FBXW5: variants seen among roughly 807,000 people sequenced by gnomAD.
The protein encoded by FBXW5 is F-box and WD repeat domain containing 5, also known as F-box/WD repeat-containing protein 5.
FBXW5 carries 74 observed loss-of-function variants against 50.9 expected under a neutral mutation model. The observed-to-expected ratio is 1.45, with a 90% confidence interval of 1.20 to 1.76. The LOEUF is 1.76. Among genes scored for constraint, FBXW5 ranks in the 40% most tolerant of loss-of-function variants. The pLI, the probability that FBXW5 is intolerant of heterozygous loss-of-function variation, is 0.00. For missense variants in FBXW5, 1,073 were observed against 818.8 expected (o/e 1.31, Z -3.79); for synonymous variants, 523 against 362.2 (o/e 1.44, Z -5.04).
At chr9:136,943,857 C>G (rs771588107) in intron 2 of FBXW5, 34 bp downstream of exon 2, 2 of 1,545,526 alleles carry the variant, frequency 1.3e-6, no homozygotes, top group African/African-American at 1.4e-5. Flanking sequence ...GCCCTGGCTG[C>G]AGAACGTGGG....
In FBXW5 at chr9:136,942,461, C is replaced by T; in HGVS notation, c.681G>A (p.Val227=). Residue 227 remains valine, a synonymous_variant, in exon 6 of 9, where the codon GTG becomes GTA. Transcript: ENST00000325285. ...VLWLNNAFQD[V]ESENVNVVKR... ...TCACCACGTTGACGTTCTCTGACTC[C>T]ACATCCTGGGGGCGGGGGCACGTGC... The T allele has an allele frequency of 6.3e-7, 1 of 1,599,440 alleles. No individual in the cohort carries two copies.
chr9:136,941,776 G>A, intron 6 of FBXW5, 92 bp from the exon 7 acceptor site: 4 of 1,422,980 alleles, frequency 2.8e-6, no homozygotes, highest in Non-Finnish European at 3.8e-6. Flanking sequence ...CTCTGGGGCT[G>A]TGAGCACCAC....
rs374271255 is a variant in FBXW5 at position 136,942,700 on chromosome 9, G to T, written c.527-5C>A. 1 of 1,611,224 alleles carries T rather than the reference G, an allele frequency of 6.2e-7. No individual in the cohort carries two copies. Among genetic ancestry groups the T allele is most frequent in the African/African-American group, 1.3e-5 (1 of 74,964 alleles). ...GGGACAGCAGCGCGAAGGAGTCTGT[G>T]GGGAGGCCGGGGCTGGACAGGCTGT... is the stretch of plus-strand genomic sequence containing the variant. On this transcript the variant is annotated splice_polypyrimidine_tract_variant and splice_region_variant and intron_variant, in intron 4 of 8. Transcript: ENST00000325285.
intron 1 of FBXW5, 41 bp from the exon 2 acceptor site, chr9:136,944,147 A>T: frequency 6.7e-7 from 1 of 1,489,128 alleles, no homozygotes; most frequent in South Asian, 1.3e-5. Flanking sequence ...AGGCCCGGGA[A>T]GGGAGGCCGA....
chr9:136,942,753 C>A lies in FBXW5; in HGVS notation c.526+16G>T, dbSNP rs373825023. ...GCGTGGGGCGGGGGCAGGGTCAACC[C>A]GCCGCCCGTGCTCACCTAGGCTGAT... On this transcript the variant is annotated intron_variant, in intron 4 of 8. Coordinates refer to ENST00000325285, the MANE Select transcript of FBXW5 (RefSeq NM_018998.4). 5 of 1,611,530 alleles carry A rather than the reference C, an allele frequency of 3.1e-6. No homozygotes were observed. The highest frequency in any genetic ancestry group is 1.3e-5 in the African/African-American group (1 of 74,684).
chr9:136,942,580 G>A lies in FBXW5; in HGVS notation c.642C>T (p.Ser214=). Residue 214 remains serine, a synonymous_variant, in exon 5 of 9, where the codon TCC becomes TCT. Coordinates refer to ENST00000325285, the MANE Select transcript of FBXW5 (RefSeq NM_018998.4). ...CATTGTTGAGCCACAGCACCGAGCA[G>A]GAGGTGATATCTCCGATGCGGTGCA... The part of the protein sequence containing the change: ...GNLHRIGDIT[S]CSVLWLNNAF... 3 of 1,611,986 alleles carry A rather than the reference G, an allele frequency of 1.9e-6. No homozygotes were observed. The highest frequency in any genetic ancestry group is 2.5e-6 in the Non-Finnish European group (3 of 1,179,606).
chr9:136,942,965 A>G (rs375934624), intron 3 of FBXW5, 22 bp from the exon 4 acceptor site: 27 of 1,611,458 alleles, frequency 1.7e-5, no homozygotes, highest in African/African-American at 2.7e-5. Context: ...GGGCGGCTGT[A>G]GTGATCGCCT....
intron 1 of FBXW5, chr9:136,944,338 C>A (rs1281910059): frequency 3.2e-6 from 2 of 619,886 alleles, no homozygotes; most frequent in Non-Finnish European, 4.4e-6. Flanking sequence ...GCGGGCGCCC[C>A]TCAGCCCGCC....
chr9:136,943,256 C>G lies in FBXW5; in HGVS notation c.351+93G>C, dbSNP rs967446331. On this transcript the variant is annotated intron_variant, in intron 3 of 8. Transcript: ENST00000325285. ...CACCTCTGGCCTGACCCACCCCCCC[C>G]CCCACCACCACCTGGTTGGAACGCC... is the stretch of plus-strand genomic sequence containing the variant. The G allele has an allele frequency of 1.9e-5, 24 of 1,267,800 alleles. 1 individual carries two copies. Among genetic ancestry groups the G allele is most frequent in the African/African-American group, 8.6e-5 (6 of 69,648 alleles). 78.5% of individuals were successfully genotyped at this position (1,267,800 alleles called of 1,614,324 possible).
In FBXW5 at chr9:136,941,083, C is replaced by G; in HGVS notation, c.1546G>C (p.Val516Leu). 1 of 1,568,592 alleles carries G rather than the reference C, an allele frequency of 6.4e-7. No individual in the cohort carries two copies. The highest frequency in any genetic ancestry group is 8.6e-7 in the Non-Finnish European group (1 of 1,156,598). Residue 516 changes from valine (V) to leucine (L), a missense_variant, in exon 9 of 9, where the codon GTG (valine) becomes CTG (leucine). Coordinates refer to ENST00000325285, the MANE Select transcript of FBXW5 (RefSeq NM_018998.4). ...RLRHEDVVNSVVFSPQEQELL... is the reference protein window; with the variant it reads ...RLRHEDVVNSLVFSPQEQELL... ...TCCTGCTCCTGGGGACTGAAGACCA[C>G]TGAGTTGACCACATCCTCGTGCCGC...
At chr9:136,943,784 T>C (rs925889025) in intron 2 of FBXW5, 107 bp downstream of exon 2, 8 of 1,289,876 alleles carry the variant, frequency 6.2e-6, no homozygotes, top group Non-Finnish European at 8.5e-6. Flanking sequence ...GGGGTGAGCA[T>C]GGACACGCGG....
At chr9:136,943,652 ACCCTGTAGCTCACAGAGAC>A in intron 2 of FBXW5, 146 bp from the exon 3 acceptor site, 1 of 1,206,910 alleles carries the variant, frequency 8.3e-7, no homozygotes, top group Non-Finnish European at 1.1e-6. Flanking sequence ...GGGGGATTCA[ACCCTGTAGCTCACAGAGAC>A]CCCTGTACCC....
chr9:136,942,499 G>GGGCGCCA (rs1564435061), intron 5 of FBXW5, 33 bp from the exon 6 acceptor site: 1 of 1,598,772 alleles, frequency 6.3e-7, no homozygotes, highest in Non-Finnish European at 8.6e-7. Context: ...GGTGGGCGCC[G>GGGCGCCA]GGCGCCAGGC....
chr9:136,943,406 G>A lies in FBXW5; in HGVS notation c.294C>T (p.Leu98=), dbSNP rs202161680. ...ACTGGTACCCGGAATGGGAGAAGCT[G>A]AGGTGCAGGACCTGGTCTGTGTGTT... ...LREHTDQVLH[L]SFSHSGYQFA... The change falls in exon 3 of 9, where the codon CTC becomes CTT. Residue 98 remains leucine (L), a synonymous_variant. Transcript: ENST00000325285. The A allele has an allele frequency of 4.3e-6, 7 of 1,612,926 alleles. No individual in the cohort carries two copies. The Admixed American group carries it at 8.3e-5, about 19-fold the overall frequency.
chr9:136,942,495 CGCCGGGCGCCAG>C, intron 5 of FBXW5, 29 bp from the exon 6 acceptor site: 1 of 1,597,500 alleles, frequency 6.3e-7, no homozygotes, highest in Non-Finnish European at 8.6e-7. Flanking sequence ...GCCAGGTGGG[CGCCGGGCGCCAG>C]GCCCCAGGAG....
Position 136,941,614 on chromosome 9 carries a change from A to C in FBXW5, c.1167T>G (p.Asp389Glu). The change falls in exon 7 of 9, where the codon GAT becomes GAG. Residue 389 changes from aspartate (D) to glutamate (E), a missense_variant. By Grantham distance (45) the Asp-to-Glu change is conservative (BLOSUM62 2). Coordinates refer to ENST00000325285, the MANE Select transcript of FBXW5 (RefSeq NM_018998.4). ...GPVLGEGRGS[D>E]AFFDALDHVI... ...CGTGGTCCAGCGCGTCGAAGAAGGC[A>C]TCGGAGCCCCGGCCCTCACCCAGCA... is the stretch of plus-strand genomic sequence containing the variant. 6.3e-7 allele frequency: 1 copy of C among 1,591,574 alleles called. No individual in the cohort carries two copies. Among genetic ancestry groups the C allele is most frequent in the Non-Finnish European group, 8.5e-7 (1 of 1,169,652 alleles).
At chr9:136,943,249 C>CA (rs1491440029) in intron 3 of FBXW5, 100 bp downstream of exon 3, 52 of 91,104 alleles carry the variant, frequency 5.7e-4, no homozygotes, top group Admixed American at 1.8e-3. Flanking sequence ...GCCTGACCCA[C>CA]CCCCCCCCCC....
Position 136,942,987 on chromosome 9 carries a change from G to A in FBXW5, c.352-44C>T, listed in dbSNP as rs746218548. The A allele has an allele frequency of 5.3e-5, 86 of 1,609,552 alleles. No individual in the cohort carries two copies. The East Asian group carries it at 6.2e-4, about 12-fold the overall frequency. ...TGTAGTGATCGCCTGGCCAGGTCGC[G>A]GGGCGGGGGCCTGCTACTACACAGC... On this transcript the variant is annotated intron_variant, in intron 3 of 8. Coordinates refer to ENST00000325285, the MANE Select transcript of FBXW5 (RefSeq NM_018998.4).
At chr9:136,943,591 C>T in intron 2 of FBXW5, 85 bp from the exon 3 acceptor site, 3 of 1,502,572 alleles carry the variant, frequency 2.0e-6, no homozygotes, top group East Asian at 2.4e-5. Flanking sequence ...GCAGTCCTGG[C>T]AGGCCCCGTG....
Sources: gnomAD v4.1 joint callset for allele counts on GRCh38, gnomAD v4.1.1 for gene constraint, MANE v1.5 for transcripts, NCBI Gene and HGNC (gene_info 2026-07-23, HGNC 2026-07-21) for gene names.